Variants in LNX1 observed in about 807,000 individuals in gnomAD.
The protein encoded by LNX1 is E3 ubiquitin-protein ligase LNX.
LNX1 carries 54 observed loss-of-function variants against 68.4 expected under a neutral mutation model. The observed-to-expected ratio is 0.79, with a 90% CI of 0.63 to 0.99. The LOEUF (loss-of-function observed/expected upper bound fraction) is 0.99. Among genes scored for constraint, LNX1 ranks in the 50% least tolerant of loss-of-function variants. The pLI is 0.00. For missense variants in LNX1, 906 were observed against 926.4 expected, an observed-to-expected ratio of 0.98 and a Z score of 0.29; for synonymous variants, 336 against 350.0, an observed-to-expected ratio of 0.96 and a Z score of 0.45.
At chr4:53,576,007 C>A (rs1560676791) in intron 1 of LNX1, 1 of 1,567,508 alleles carries the variant, frequency 6.4e-7, no homozygotes. Flanking sequence ...GGCCCTCCAT[C>A]TTCCCCCCAC....
At chr4:53,491,989 G>T (rs1462621628) in intron 6 of LNX1, among the ~76,000 whole-genome samples, 4 of 151,948 alleles carry the variant, frequency 2.6e-5, no homozygotes, top group Middle Eastern at 3.2e-3. Flanking sequence ...ATTTCACCCT[G>T]TTGACCAGGC....
At chr4:53,527,356 G>C (rs994467671) in intron 2 of LNX1, among the ~76,000 whole-genome samples, 9 of 152,216 alleles carry the variant, frequency 5.9e-5, no homozygotes, top group African/African-American at 2.2e-4. Context: ...CTTAGATGTA[G>C]AGCACTTTCA....
intron 2 of LNX1, chr4:53,508,456 C>T: frequency 1.9e-6 from 1 of 532,170 alleles, no homozygotes; most frequent in Non-Finnish European, 3.3e-6. Context: ...CCACTGCATT[C>T]TCTTAAAGCA....
At chr4:53,625,146 A>G (rs561310007) in intron 1 of LNX1, among the ~76,000 whole-genome samples, 3 of 152,332 alleles carry the variant, frequency 2.0e-5, no homozygotes, top group African/African-American at 7.2e-5. Flanking sequence ...ATAAGAGTAA[A>G]TCTTTGTGAC....
At chr4:53,647,502 T>C (rs1255410739) in intron 1 of LNX1, among the ~76,000 whole-genome samples, 1 of 152,156 alleles carries the variant, frequency 6.6e-6, no homozygotes, top group Non-Finnish European at 1.5e-5. Context: ...TATTTTTCTG[T>C]ATATATTTAT....
intron 2 of LNX1, among the ~76,000 whole-genome samples, chr4:53,535,495 G>T (rs1434582408): frequency 6.6e-6 from 1 of 151,946 alleles, no homozygotes; most frequent in Non-Finnish European, 1.5e-5. Context: ...GGCTCATTAT[G>T]TTGTAATGAA....
intron 1 of LNX1, among the ~76,000 whole-genome samples, chr4:53,634,551 G>A (rs1451811762): frequency 6.6e-6 from 1 of 151,958 alleles, no homozygotes; most frequent in African/African-American, 2.4e-5. Context: ...GGCTCAGCTC[G>A]GTTTTCTATT....
At chr4:53,469,097 A>T (rs1722940070) in intron 9 of LNX1, among the ~76,000 whole-genome samples, 2 of 152,116 alleles carry the variant, frequency 1.3e-5, no homozygotes, top group Non-Finnish European at 2.9e-5. Flanking sequence ...GAAGTAAAGC[A>T]CTCCTCAGCA....
intron 2 of LNX1, 38 bp downstream of exon 2, chr4:53,573,585 G>C: frequency 6.8e-7 from 1 of 1,460,184 alleles, no homozygotes; most frequent in Non-Finnish European, 9.5e-7. Flanking sequence ...TGTCCCGCTT[G>C]GGGGTGGGAC....
chr4:53,465,018 C>T (rs79687623), intron 9 of LNX1, among the ~76,000 whole-genome samples: 2,679 of 152,190 alleles, frequency 0.018, 79 homozygotes, highest in African/African-American at 0.061. Context: ...TTATCACCTA[C>T]TTGATAATTG....
intron 2 of LNX1, among the ~76,000 whole-genome samples, chr4:53,610,131 T>C (rs911972471): frequency 2.0e-5 from 3 of 152,110 alleles, no homozygotes; most frequent in Admixed American, 1.3e-4. Context: ...TTGTTTTTCA[T>C]ATGTCCGCAG....
intron 2 of LNX1, among the ~76,000 whole-genome samples, chr4:53,614,006 G>A (rs555978181): frequency 3.3e-5 from 5 of 152,036 alleles, no homozygotes; most frequent in East Asian, 1.9e-4. Flanking sequence ...GATAATAGCC[G>A]TTCTGACTGG....
intron 1 of LNX1, among the ~76,000 whole-genome samples, chr4:53,635,305 T>TC (rs1734430661): frequency 6.6e-6 from 1 of 152,114 alleles, no homozygotes; most frequent in African/African-American, 2.4e-5. Context: ...TTGAACTAGA[T>TC]CCCCCCTTCC....
At chr4:53,604,156 T>A (rs1184998265) in intron 2 of LNX1, 2 of 152,192 alleles carry the variant, frequency 1.3e-5, no homozygotes, top group Non-Finnish European at 2.9e-5. Flanking sequence ...AATTTGAAGT[T>A]GCCAAACTGC....
At chr4:53,582,733 T>C (rs929144818) in intron 1 of LNX1, among the ~76,000 whole-genome samples, 3 of 152,184 alleles carry the variant, frequency 2.0e-5, no homozygotes, top group Non-Finnish European at 4.4e-5. Flanking sequence ...TTTTTAATTG[T>C]TGATGATGCT....
chr4:53,510,404 T>A (rs1238692730), intron 2 of LNX1, among the ~76,000 whole-genome samples: 2 of 152,222 alleles, frequency 1.3e-5, no homozygotes, highest in East Asian at 3.8e-4. Flanking sequence ...GAAAAGGAGT[T>A]TGGTTATACA....
intron 9 of LNX1, 55 bp from the exon 10 acceptor site, chr4:53,461,648 ATACT>A: frequency 1.5e-6 from 2 of 1,355,940 alleles, no homozygotes; most frequent in South Asian, 1.3e-5. Flanking sequence ...AGTTAAGGGA[ATACT>A]TACTGTGACT....
intron 1 of LNX1, among the ~76,000 whole-genome samples, chr4:53,623,541 C>A (rs1052398953): frequency 4.0e-5 from 6 of 151,876 alleles, no homozygotes; most frequent in African/African-American, 1.2e-4. Context: ...GACTCAAGAA[C>A]AATTCTGATG....
At chr4:53,467,512 A>G (rs377096616) in intron 9 of LNX1, among the ~76,000 whole-genome samples, 2 of 152,350 alleles carry the variant, frequency 1.3e-5, no homozygotes, top group East Asian at 3.9e-4. Flanking sequence ...ACAAGTTGAG[A>G]GAGGAAGGCT....
Sources: gnomAD v4.1 joint callset for allele counts (sites outside exome capture counted in the v4.1 genomes callset) on GRCh38, gnomAD v4.1.1 for gene constraint, MANE v1.5 for transcripts, NCBI Gene and HGNC (gene_info 2026-07-23, HGNC 2026-07-21) for gene names.